SHISAL2A: variants seen among roughly 807,000 people sequenced by gnomAD.
The protein encoded by SHISAL2A is shisa like 2A, also known as protein shisa-like-2A.
SHISAL2A carries 18 observed loss-of-function variants against 11.5 expected under a neutral mutation model. That is an observed-to-expected ratio of 1.57 (90% confidence interval 1.08 to 2.33). SHISAL2A has a LOEUF of 2.33. Among genes scored for constraint, SHISAL2A ranks in the 30% most tolerant of loss-of-function variants. The pLI, the probability that SHISAL2A is intolerant of heterozygous loss-of-function variation, is 0.00. For synonymous variants in SHISAL2A, 94 were observed against 99.6 expected, an observed-to-expected ratio of 0.94 and a Z score of 0.34; for missense variants, 261 against 250.9, an observed-to-expected ratio of 1.04 and a Z score of -0.27.
intron 4 of SHISAL2A, among the ~76,000 whole-genome samples, chr1:52,664,355 T>C (rs1691968180): frequency 6.6e-6 from 1 of 150,776 alleles, no homozygotes; most frequent in Non-Finnish European, 1.5e-5. Flanking sequence ...CACGCCCAGC[T>C]AATTTTTTTT....
At chr1:52,635,478 T>C (rs1691218518) in intron 1 of SHISAL2A, among the ~76,000 whole-genome samples, 1 of 152,008 alleles carries the variant, frequency 6.6e-6, no homozygotes, top group African/African-American at 2.4e-5. Context: ...GGATCAAAGC[T>C]ACCTTCTTGC....
chr1:52,635,290 T>G (rs1337775030), intron 1 of SHISAL2A, among the ~76,000 whole-genome samples: 1 of 152,152 alleles, frequency 6.6e-6, no homozygotes, highest in Non-Finnish European at 1.5e-5. Context: ...AGAAAGAGTT[T>G]AATAATCACA....
intron 1 of SHISAL2A, among the ~76,000 whole-genome samples, chr1:52,638,802 G>A (rs1227722907): frequency 1.3e-5 from 2 of 152,220 alleles, no homozygotes; most frequent in African/African-American, 2.4e-5. Context: ...GTCATGGGCT[G>A]GTGGGGTAAG....
chr1:52,650,215 T>C (rs1287894837), intron 2 of SHISAL2A, among the ~76,000 whole-genome samples: 1 of 152,124 alleles, frequency 6.6e-6, no homozygotes, highest in Non-Finnish European at 1.5e-5. Flanking sequence ...TTGTTTTGAC[T>C]CCTCCAAGCA....
At chr1:52,662,999 A>G (rs1260544023) in intron 4 of SHISAL2A, among the ~76,000 whole-genome samples, 1 of 152,198 alleles carries the variant, frequency 6.6e-6, no homozygotes, top group African/African-American at 2.4e-5. Context: ...TCCGGGAAGT[A>G]GGGAGCTTCA....
Position 52,633,492 on chromosome 1 carries a change from C to T in SHISAL2A, c.-2C>T. 2.7e-6 allele frequency: 4 copies of T among 1,497,992 alleles called. No individual in the cohort carries two copies. The highest frequency in any genetic ancestry group is 3.5e-6 in the Non-Finnish European group (4 of 1,130,388). 92.8% of individuals were successfully genotyped at this position (1,497,992 alleles called of 1,614,324 possible). On this transcript the variant is annotated 5_prime_UTR_variant, in exon 1 of 3. Transcript: ENST00000517870. This position sits in a 1 kb window ranked among gnomAD's most constrained non-coding sequence, Gnocchi z 6.4. Reference sequence around the variant, plus strand: ...GTGGCGGCGGGCTGGGCGCGGGGCGCGATGAGCGGCGCCTGCACGAGCTAC... The same window carrying T: ...GTGGCGGCGGGCTGGGCGCGGGGCGTGATGAGCGGCGCCTGCACGAGCTAC...
At chr1:52,651,287 G>C (rs1454383557) in intron 2 of SHISAL2A, among the ~76,000 whole-genome samples, 2 of 152,174 alleles carry the variant, frequency 1.3e-5, no homozygotes, top group East Asian at 3.9e-4. Flanking sequence ...GCCCAGGCTA[G>C]AGTGCAGTGG....
rs148697957 is a variant in SHISAL2A, at chr1:52,637,022, C to T, written c.182+3347C>T. ...CCACTAACCCCTTCCCTACACAGCT[C>T]TTGTGTCTTGTGGTCCCTTCCGTTG... On this transcript the variant is annotated intron_variant, in intron 1 of 2. Transcript: ENST00000517870. 2.0e-4 allele frequency among the ~76,000 whole-genome samples: 30 copies of T among 152,270 alleles called. No individual in the cohort carries two copies. In the East Asian group the frequency reaches 4.6e-3, roughly 24 times the overall value.
Position 52,666,776 on chromosome 1 carries a change from T to C in SHISAL2A, n.696-623T>C, listed in dbSNP as rs181787037. Among the ~76,000 whole-genome samples the C allele has an allele frequency of 1.2e-3, 185 of 152,164 alleles. 1 individual carries two copies. The highest frequency in any genetic ancestry group is 4.2e-3 in the African/African-American group (176 of 41,500). On this transcript the variant is annotated intron_variant and non_coding_transcript_variant, in intron 4 of 5. Transcript: ENST00000401050. ...CTTTACTGGAAAGCTATTGGATGTC[T>C]CACTGAAATGACAGGGAGACCACAA...
At chr1:52,647,789 G>A (rs1157922488) in intron 2 of SHISAL2A, among the ~76,000 whole-genome samples, 2 of 150,948 alleles carry the variant, frequency 1.3e-5, no homozygotes, top group Non-Finnish European at 2.9e-5. Flanking sequence ...AGACTGCAGT[G>A]AGCCAGGATC....
chr1:52,658,569 G>C (rs1691843922), downstream of SHISAL2A, among the ~76,000 whole-genome samples: 1 of 152,190 alleles, frequency 6.6e-6, no homozygotes, highest in South Asian at 2.1e-4. Context: ...AATAGGGCTT[G>C]GGGAAGGACT....
At chr1:52,657,479 G>A (rs906676579), downstream of SHISAL2A, among the ~76,000 whole-genome samples, 3 of 152,108 alleles carry the variant, frequency 2.0e-5, no homozygotes, top group African/African-American at 7.2e-5. Context: ...GCAGAGGGAC[G>A]GATAGAGAGG....
chr1:52,648,976 A>C (rs1691566201), intron 2 of SHISAL2A, among the ~76,000 whole-genome samples: 1 of 152,180 alleles, frequency 6.6e-6, no homozygotes, highest in Non-Finnish European at 1.5e-5. Flanking sequence ...TTGAGACAGC[A>C]TGTCCTCTTG....
At chr1:52,647,740 G>A (rs1024612016) in intron 2 of SHISAL2A, among the ~76,000 whole-genome samples, 1 of 151,898 alleles carries the variant, frequency 6.6e-6, no homozygotes, top group Non-Finnish European at 1.5e-5. Flanking sequence ...AGCTACCTGG[G>A]GAGCTAAAGT....
At chr1:52,665,980 T>A (rs1171161355) in intron 4 of SHISAL2A, among the ~76,000 whole-genome samples, 1 of 152,210 alleles carries the variant, frequency 6.6e-6, no homozygotes, top group African/African-American at 2.4e-5. Flanking sequence ...GCTGTGGACT[T>A]GAGACCTGGA....
downstream of SHISAL2A, among the ~76,000 whole-genome samples, chr1:52,658,865 A>G (rs1691849964): frequency 6.6e-6 from 1 of 152,148 alleles, no homozygotes; most frequent in Admixed American, 6.5e-5. Flanking sequence ...CTGCTGCTGG[A>G]TTTGGCAACA....
chr1:52,649,820 G>T (rs1195366366), intron 2 of SHISAL2A, among the ~76,000 whole-genome samples: 1 of 152,146 alleles, frequency 6.6e-6, no homozygotes, highest in East Asian at 1.9e-4. Flanking sequence ...TAAAACATTG[G>T]GGGGAAAATT....
At chr1:52,643,796 T>C (rs2149878612) in intron 2 of SHISAL2A, among the ~76,000 whole-genome samples, 1 of 150,748 alleles carries the variant, frequency 6.6e-6, no homozygotes, top group South Asian at 2.1e-4. Context: ...GAGGTTGCAG[T>C]GAGCCGAGAT....
At chr1:52,648,444 T>C (rs551470438) in intron 2 of SHISAL2A, among the ~76,000 whole-genome samples, 20 of 152,270 alleles carry the variant, frequency 1.3e-4, no homozygotes, top group African/African-American at 4.8e-4. Context: ...TTACTTTCAT[T>C]TTACAGATGA....
Sources: allele counts gnomAD v4.1 joint callset (sites outside exome capture counted in the v4.1 genomes callset), GRCh38; gene constraint gnomAD v4.1.1; non-coding constraint Gnocchi (gnomAD v3.1); transcripts MANE v1.5; gene names NCBI Gene and HGNC (gene_info 2026-07-23, HGNC 2026-07-21).